CEP112: variants seen among roughly 807,000 people sequenced by gnomAD.
CEP112 encodes centrosomal protein 112.
In CEP112, 127 loss-of-function variants were observed where a neutral mutation model predicts 153.0. The observed-to-expected ratio is 0.83, with a 90% CI of 0.72 to 0.96. The LOEUF (loss-of-function observed/expected upper bound fraction) is 0.96. Ranked by LOEUF, CEP112 falls within the 40% of genes least tolerant of loss-of-function variation. The pLI, the probability that CEP112 is intolerant of heterozygous loss-of-function variation, is 0.00. For missense variants in CEP112, 1,089 were observed against 1,101.2 expected (o/e 0.99, Z 0.16); for synonymous variants, 358 against 374.4 (o/e 0.96, Z 0.51).
At chr17:66,048,162 C>T (rs989683588) in intron 12 of CEP112, among the ~76,000 whole-genome samples, 3 of 151,334 alleles carry the variant, frequency 2.0e-5, no homozygotes, top group African/African-American at 4.9e-5. Flanking sequence ...AATGAGGAAC[C>T]GATAGATCCA....
chr17:65,791,952 C>T (rs182083092), intron 21 of CEP112, among the ~76,000 whole-genome samples: 4 of 152,302 alleles, frequency 2.6e-5, no homozygotes, highest in Admixed American at 2.0e-4. Context: ...TCAAGTCATG[C>T]AGCTAGGTGT....
At chr17:66,040,737 C>CAGA (rs1383916490) in intron 12 of CEP112, among the ~76,000 whole-genome samples, 7 of 152,110 alleles carry the variant, frequency 4.6e-5, no homozygotes, top group Non-Finnish European at 1.0e-4. Context: ...TGATCTGCCT[C>CAGA]CCTTGGCCTT....
intron 22 of CEP112, among the ~76,000 whole-genome samples, chr17:65,749,319 C>T (rs2051668580): frequency 6.6e-6 from 1 of 151,894 alleles, no homozygotes; most frequent in South Asian, 2.1e-4. Flanking sequence ...CCAGCCTGAC[C>T]AATATGGTGA....
chr17:66,011,118 T>A (rs1217711599), intron 16 of CEP112, among the ~76,000 whole-genome samples: 2 of 152,150 alleles, frequency 1.3e-5, no homozygotes, highest in Non-Finnish European at 2.9e-5. Context: ...GGCTTTTTAT[T>A]ACTGATTTAA....
chr17:66,176,932 C>T lies in CEP112; in HGVS notation c.195G>A (p.Leu65=). 1 of 1,613,924 alleles carries T rather than the reference C, an allele frequency of 6.2e-7. No individual in the cohort carries two copies. Among genetic ancestry groups the T allele is most frequent in the Non-Finnish European group, 8.5e-7 (1 of 1,179,868 alleles). The change falls in exon 3 of 27, where the codon CTG becomes CTA. Residue 65 remains leucine, a synonymous_variant. Transcript: ENST00000535342. ...GCATATGCAATAACAATTTTGCATA[C>T]AGGTTCCGATTCTTCCTCCCCATTA... The part of the protein sequence containing the change: ...AGIMGRKNRN[L]YAKLLLHMLK...
chr17:65,734,177 C>T (rs8068643), intron 23 of CEP112, among the ~76,000 whole-genome samples: 1,621 of 152,218 alleles, frequency 0.011, 22 homozygotes, highest in African/African-American at 0.036. Context: ...GAGGGATGAA[C>T]GAGGTTGGCA....
At chr17:65,833,843 A>G (rs1381760058) in intron 21 of CEP112, among the ~76,000 whole-genome samples, 1 of 152,224 alleles carries the variant, frequency 6.6e-6, no homozygotes, top group Non-Finnish European at 1.5e-5. Flanking sequence ...ACAATTAGAA[A>G]AAACTATTTC....
chr17:65,664,502 C>T (rs927923132), intron 24 of CEP112, among the ~76,000 whole-genome samples: 4 of 152,056 alleles, frequency 2.6e-5, no homozygotes, highest in Non-Finnish European at 5.9e-5. Context: ...CCAGATGTGA[C>T]GCAGCTAGGA....
intron 9 of CEP112, among the ~76,000 whole-genome samples, chr17:66,069,013 T>C (rs1568456102): frequency 1.3e-5 from 2 of 151,812 alleles, no homozygotes; most frequent in African/African-American, 4.8e-5. Context: ...AGTTTTTTTT[T>C]CTCTAATATC....
At position 66,094,221 on chromosome 17, in the gene CEP112, G is replaced by A. The variant is rs542470777; in HGVS notation, c.768+2030C>T. Among the ~76,000 whole-genome samples, 15 of 151,906 alleles carry A rather than the reference G, an allele frequency of 9.9e-5. No homozygotes were observed. The South Asian group carries it at 1.5e-3, about 15-fold the overall frequency. Reference sequence around the variant, plus strand: ...ATTACAGGCATGCCCTACCACACCCGGCTAATTTTCGTATTTTTAGTAGGG... The same window carrying A: ...ATTACAGGCATGCCCTACCACACCCAGCTAATTTTCGTATTTTTAGTAGGG... On this transcript the variant is annotated intron_variant, in intron 8 of 26. Transcript: ENST00000535342.
At chr17:66,087,644 C>A (rs938766384) in intron 8 of CEP112, among the ~76,000 whole-genome samples, 1 of 152,082 alleles carries the variant, frequency 6.6e-6, no homozygotes, top group Admixed American at 6.5e-5. Context: ...CATAAACATG[C>A]ACAAAAATAC....
At chr17:65,703,139 T>G (rs1054206292) in intron 23 of CEP112, among the ~76,000 whole-genome samples, 3 of 152,166 alleles carry the variant, frequency 2.0e-5, no homozygotes, top group African/African-American at 7.2e-5. Flanking sequence ...CTCAAAGCTG[T>G]CATGCTAGGT....
chr17:65,684,033 C>A (rs1391211946), intron 24 of CEP112, among the ~76,000 whole-genome samples: 1 of 152,134 alleles, frequency 6.6e-6, no homozygotes, highest in East Asian at 1.9e-4. Context: ...GAGCGAGACT[C>A]CATCATTAAA....
intron 19 of CEP112, chr17:65,903,340 G>A (rs1182069545): frequency 6.6e-6 from 1 of 152,316 alleles, no homozygotes; most frequent in East Asian, 1.9e-4. Flanking sequence ...AATCGATCTT[G>A]TTTCGTGCAA....
chr17:65,696,889 C>A (rs73336846), intron 23 of CEP112, among the ~76,000 whole-genome samples: 2,241 of 152,112 alleles, frequency 0.015, 59 homozygotes, highest in African/African-American at 0.051. Flanking sequence ...ATTTACTATC[C>A]TACTTTGGAG....
At chr17:65,852,113 A>G in intron 20 of CEP112, 79 bp from the exon 21 acceptor site, 1 of 844,312 alleles carries the variant, frequency 1.2e-6, no homozygotes, top group Non-Finnish European at 1.8e-6. Context: ...GCAAAAGGCC[A>G]ATAAATGAAA....
chr17:65,637,095 G>A, intron 26 of CEP112, 29 bp downstream of exon 26: 1 of 1,575,582 alleles, frequency 6.3e-7, no homozygotes, highest in South Asian at 1.1e-5. Flanking sequence ...AACTAATCAG[G>A]AGACAAGACA....
chr17:65,884,526 G>T (rs778554970), intron 20 of CEP112, among the ~76,000 whole-genome samples: 8 of 152,014 alleles, frequency 5.3e-5, no homozygotes, highest in Non-Finnish European at 1.2e-4. Flanking sequence ...ATACAAAAGT[G>T]TCTTATTTCA....
chr17:66,003,662 C>A (rs538110090), intron 17 of CEP112, among the ~76,000 whole-genome samples: 1 of 152,196 alleles, frequency 6.6e-6, no homozygotes, highest in Non-Finnish European at 1.5e-5. Context: ...AACCCCTGGG[C>A]ACCATACAGG....
Sources: allele counts gnomAD v4.1 joint callset (sites outside exome capture counted in the v4.1 genomes callset), GRCh38; gene constraint gnomAD v4.1.1; transcripts MANE v1.5; gene names NCBI Gene and HGNC (gene_info 2026-07-23, HGNC 2026-07-21).